ARMC9: variants seen among roughly 807,000 people sequenced by gnomAD.
ARMC9 encodes the protein lisH domain-containing protein ARMC9.
A neutral mutation model predicts 107.0 loss-of-function variants in ARMC9; 94 were observed. The observed-to-expected ratio is 0.88, with a 90% CI of 0.74 to 1.04. The LOEUF is 1.04. ARMC9 is among the 50% of genes least tolerant of loss of function. The pLI is 0.00. For missense variants in ARMC9, 942 were observed against 1,030.1 expected, an observed-to-expected ratio of 0.91 and a Z score of 1.17; for synonymous variants, 380 against 396.9, an observed-to-expected ratio of 0.96 and a Z score of 0.51.
chr2:231,338,370 G>A (rs114236615), intron 20 of ARMC9, among the ~76,000 whole-genome samples: 3,869 of 151,916 alleles, frequency 0.025, 83 homozygotes, highest in Non-Finnish European at 0.041. Context: ...GACTACAGGC[G>A]TATGTGCCAC....
intron 14 of ARMC9, among the ~76,000 whole-genome samples, chr2:231,274,031 G>A (rs909430793): frequency 6.6e-6 from 1 of 152,088 alleles, no homozygotes; most frequent in Admixed American, 6.6e-5. Context: ...ACTTAGCATC[G>A]CGTTTGCAAG....
At chr2:231,205,508 G>A (rs778524711) in intron 1 of ARMC9, among the ~76,000 whole-genome samples, 2 of 152,188 alleles carry the variant, frequency 1.3e-5, no homozygotes, top group African/African-American at 4.8e-5. Flanking sequence ...TCATTCCTCT[G>A]GGGTTACGGG....
rs981618994 is a variant in ARMC9, at chr2:231,360,821, C to G, written c.2199C>G (p.Pro733=). The G allele has an allele frequency of 3.8e-5, 59 of 1,535,972 alleles. No individual in the cohort carries two copies. The highest frequency in any genetic ancestry group is 5.1e-5 in the Non-Finnish European group (58 of 1,146,890). ...GCCAGGAAGAGCCTCGCCCAGCCCC[C>G]ACGGGGACCCCCCGCCAGCCAAGGG... is the stretch of plus-strand genomic sequence containing the variant. ...RGRQEEPRPA[P]TGTPRQPREA... The change falls in exon 23 of 25, where the codon CCC becomes CCG. Residue 733 remains proline, a synonymous_variant. Coordinates refer to ENST00000611582, the MANE Select transcript of ARMC9 (RefSeq NM_001352754.2). The surrounding 1 kb of genome is among the most constrained non-coding windows in gnomAD (Gnocchi z 4.7).
chr2:231,298,107 CTTT>C (rs1225858168), intron 19 of ARMC9, among the ~76,000 whole-genome samples: 2 of 152,190 alleles, frequency 1.3e-5, no homozygotes, highest in Admixed American at 1.3e-4. Context: ...TTTTGCTACT[CTTT>C]TAAGAGGTTG....
At chr2:231,274,807 A>G (rs967214884) in intron 14 of ARMC9, among the ~76,000 whole-genome samples, 5 of 152,170 alleles carry the variant, frequency 3.3e-5, no homozygotes, top group Non-Finnish European at 4.4e-5. Flanking sequence ...AGGGATAGGT[A>G]TTTGTATCTA....
At chr2:231,236,567 C>T (rs1172528608) in intron 8 of ARMC9, among the ~76,000 whole-genome samples, 3 of 152,256 alleles carry the variant, frequency 2.0e-5, no homozygotes, top group South Asian at 2.1e-4. Context: ...AAGGCTAAGG[C>T]GGGAGGATCA....
intron 22 of ARMC9, among the ~76,000 whole-genome samples, chr2:231,357,907 A>G (rs1312872245): frequency 6.6e-6 from 1 of 152,142 alleles, no homozygotes; most frequent in Non-Finnish European, 1.5e-5. Flanking sequence ...ACTTGACAAA[A>G]AGTTCTTCCT....
chr2:231,354,424 C>A (rs907679465), intron 21 of ARMC9, among the ~76,000 whole-genome samples: 4 of 140,272 alleles, frequency 2.9e-5, no homozygotes, highest in African/African-American at 1.1e-4. Flanking sequence ...CTCTGTTGCC[C>A]AGGCTGGAGT....
chr2:231,266,951 A>G (rs1298938832), intron 12 of ARMC9, among the ~76,000 whole-genome samples: 2 of 152,202 alleles, frequency 1.3e-5, no homozygotes, highest in East Asian at 3.8e-4. Context: ...TTTCCCATCT[A>G]TGTATATCCC....
At chr2:231,334,434 G>A (rs1448382674) in intron 20 of ARMC9, among the ~76,000 whole-genome samples, 2 of 152,198 alleles carry the variant, frequency 1.3e-5, no homozygotes, top group Non-Finnish European at 2.9e-5. Context: ...CCTTCACATG[G>A]CCTTCCCCTC....
chr2:231,261,972 G>GC (rs56680361), intron 11 of ARMC9, among the ~76,000 whole-genome samples: 152,086 of 152,086 alleles, frequency 1, 76,043 homozygotes, highest in Non-Finnish European at 1. Flanking sequence ...ACAGGCGCCC[G>GC]CACCACACCC....
chr2:231,309,976 T>C (rs1384120271), intron 19 of ARMC9, among the ~76,000 whole-genome samples: 1 of 152,190 alleles, frequency 6.6e-6, no homozygotes, highest in African/African-American at 2.4e-5. Context: ...AGCATGTCTG[T>C]TATAGAAAAC....
intron 14 of ARMC9, among the ~76,000 whole-genome samples, chr2:231,275,162 T>A (rs1396946538): frequency 2.0e-5 from 3 of 152,208 alleles, no homozygotes; most frequent in Non-Finnish European, 4.4e-5. Context: ...CTGCAATAAA[T>A]GAAGAAGGTA....
chr2:231,325,171 G>C (rs190011811), intron 19 of ARMC9, among the ~76,000 whole-genome samples: 2 of 152,172 alleles, frequency 1.3e-5, no homozygotes, highest in Non-Finnish European at 2.9e-5. Flanking sequence ...CTGCAATGGG[G>C]CCCTTGATTA....
chr2:231,301,787 T>G (rs2041744085), intron 19 of ARMC9, among the ~76,000 whole-genome samples: 1 of 152,138 alleles, frequency 6.6e-6, no homozygotes, highest in Non-Finnish European at 1.5e-5. Flanking sequence ...AAGACCACCC[T>G]GGCCAACATG....
chr2:231,273,922 C>G (rs1340027717), intron 14 of ARMC9, among the ~76,000 whole-genome samples: 1 of 152,144 alleles, frequency 6.6e-6, no homozygotes, highest in Non-Finnish European at 1.5e-5. Context: ...CCCCCAGTCC[C>G]CGGTAGCCAC....
At chr2:231,324,059 C>T (rs902572652) in intron 19 of ARMC9, among the ~76,000 whole-genome samples, 1 of 150,722 alleles carries the variant, frequency 6.6e-6, no homozygotes, top group Non-Finnish European at 1.5e-5. Flanking sequence ...AATGCAGAAA[C>T]TGTCCTGTGT....
In ARMC9 at chr2:231,255,728, C is replaced by A. The variant is rs1308793252; in HGVS notation, c.880-858C>A. On this transcript the variant is annotated intron_variant, in intron 9 of 24. Coordinates refer to ENST00000611582, the MANE Select transcript of ARMC9 (RefSeq NM_001352754.2). The surrounding 1 kb of genome is among the most constrained non-coding windows in gnomAD (Gnocchi z 4.7). ...TCGTATGTGACTTTGGTTGGTGAATCCTGGTGGATTAAAACTTTGCACATC... is the reference window on the plus strand; with the variant it reads ...TCGTATGTGACTTTGGTTGGTGAATACTGGTGGATTAAAACTTTGCACATC... 6.6e-6 allele frequency among the ~76,000 whole-genome samples: 1 copy of A among 152,080 alleles called. No homozygotes were observed.
rs933179546 is a variant in ARMC9 at position 231,360,931 on chromosome 2, G to C, written c.2261+48G>C. 6.8e-7 allele frequency: 1 copy of C among 1,470,304 alleles called. No individual in the cohort carries two copies. The highest frequency in any genetic ancestry group is 1.9e-4 in the Middle Eastern group (1 of 5,302). 91.1% of individuals were successfully genotyped at this position (1,470,304 alleles called of 1,614,324 possible). The stretch of plus-strand genomic sequence containing the variant: ...TCGAACCTGACTCTCGGAGCTCTGG[G>C]AGTGGGCGCCCCACGCCGGATGCAG... On this transcript the variant is annotated intron_variant, in intron 23 of 24. Transcript: ENST00000611582. The surrounding 1 kb of genome is among the most constrained non-coding windows in gnomAD (Gnocchi z 4.7).
Sources: gnomAD v4.1 joint callset for allele counts (sites outside exome capture counted in the v4.1 genomes callset) on GRCh38, gnomAD v4.1.1 for gene constraint, Gnocchi (gnomAD v3.1) non-coding constraint, MANE v1.5 for transcripts, NCBI Gene and HGNC (gene_info 2026-07-23, HGNC 2026-07-21) for gene names.